Variants in CIAO2B observed in about 807,000 individuals in gnomAD.
The protein encoded by CIAO2B is cytosolic iron-sulfur assembly component 2B.
A neutral mutation model predicts 16.4 loss-of-function variants in CIAO2B; 20 were observed. The observed-to-expected ratio is 1.22, with a 90% confidence interval of 0.86 to 1.77. CIAO2B has a LOEUF of 1.77. Ranked by LOEUF, CIAO2B falls within the 40% of genes most tolerant of loss-of-function variation. The probability of loss-of-function intolerance (pLI) is 0.00; values close to 1 mark genes in which losing one functional copy is unlikely to be tolerated. For synonymous variants in CIAO2B, 106 were observed against 90.4 expected (o/e 1.17, Z -0.98); for missense variants, 215 against 222.4 (o/e 0.97, Z 0.21).
At chr16:66,933,876 C>T in intron 2 of CIAO2B, 111 bp downstream of exon 2, 1 of 1,545,848 alleles carries the variant, frequency 6.5e-7, no homozygotes, top group South Asian at 1.2e-5. Context: ...CAACAATCTC[C>T]CTCCCCAAAG....
chr16:66,933,320 C>T, intron 3 of CIAO2B: 1 of 411,746 alleles, frequency 2.4e-6, no homozygotes, highest in South Asian at 2.7e-5. Context: ...AAAGAACTGG[C>T]CCACTACTGT....
Position 66,932,219 on chromosome 16 carries a change from A to G in CIAO2B, c.476T>C (p.Leu159Pro). The G allele has an allele frequency of 6.2e-7, 1 of 1,613,746 alleles. No individual in the cohort carries two copies. Among genetic ancestry groups the G allele is most frequent in the Non-Finnish European group, 8.5e-7 (1 of 1,179,766 alleles). Reference sequence around the variant, plus strand: ...AGGCCAGGCTCAGGAGCGGGCTGACAGGCACTGATTCACAACCTCCAAGAG... The same window carrying G: ...AGGCCAGGCTCAGGAGCGGGCTGACGGGCACTGATTCACAACCTCCAAGAG... ...THLLEVVNQC[L>P]SARS The change falls in exon 5 of 5, where the codon CTG becomes CCG. Residue 159 changes from leucine (L) to proline (P), a missense_variant. Transcript: ENST00000422424.
chr16:66,932,343 G>GCTTT, intron 4 of CIAO2B, 43 bp from the exon 5 acceptor site: 2 of 1,545,980 alleles, frequency 1.3e-6, no homozygotes, highest in Non-Finnish European at 1.8e-6. Context: ...GTCAAAGCTA[G>GCTTT]GCTCTGGCCA....
intron 2 of CIAO2B, 53 bp downstream of exon 2, chr16:66,933,934 C>T: frequency 6.2e-7 from 1 of 1,605,598 alleles, no homozygotes; most frequent in East Asian, 2.2e-5. Flanking sequence ...TCCTGCTGCA[C>T]AGAAACCTTT....
rs1963082294 is a variant in CIAO2B at position 66,932,760 on chromosome 16, C to T, written c.394+20G>A. On this transcript the variant is annotated intron_variant, in intron 4 of 4. Transcript: ENST00000422424. ...TAGGGGGTGCCCGGGCCAACACCCTCACCACCAGTCCACACTTACCTGCAT... is the reference window on the plus strand; with the variant it reads ...TAGGGGGTGCCCGGGCCAACACCCTTACCACCAGTCCACACTTACCTGCAT... 6.2e-7 allele frequency: 1 copy of T among 1,606,616 alleles called. No homozygotes were observed. Among genetic ancestry groups the T allele is most frequent in the Non-Finnish European group, 8.5e-7 (1 of 1,176,608 alleles).
At chr16:66,933,484 C>G (rs1963103924) in intron 3 of CIAO2B, 130 bp downstream of exon 3, 2 of 1,238,848 alleles carry the variant, frequency 1.6e-6, no homozygotes, top group Admixed American at 5.6e-5. Flanking sequence ...TCCCAGTTTC[C>G]TCTCTGCTAA....
chr16:66,932,865 G>A lies in CIAO2B; in HGVS notation c.349-40C>T, dbSNP rs377291763. On this transcript the variant is annotated intron_variant, in intron 3 of 4. Coordinates refer to ENST00000422424, the MANE Select transcript of CIAO2B (RefSeq NM_016062.4). Reference sequence around the variant, plus strand: ...ACCAGGGCCTGAACACCCACCCACCGACCCACACTTTTCCCTGCAGCCCCC... The same window carrying A: ...ACCAGGGCCTGAACACCCACCCACCAACCCACACTTTTCCCTGCAGCCCCC... The A allele has an allele frequency of 1.1e-5, 18 of 1,604,404 alleles. No individual in the cohort carries two copies. The African/African-American group carries it at 1.7e-4, about 16-fold the overall frequency.
chr16:66,932,324 G>A (rs533176902), intron 4 of CIAO2B, 24 bp from the exon 5 acceptor site: 102 of 1,597,382 alleles, frequency 6.4e-5, no homozygotes, highest in Non-Finnish European at 8.3e-5. Context: ...AGGGTGTGGG[G>A]AAGGCAGAGT....
Position 66,934,110 on chromosome 16 carries a change from G to A in CIAO2B, c.143-44C>T. On this transcript the variant is annotated intron_variant, in intron 1 of 4. Coordinates refer to ENST00000422424, the MANE Select transcript of CIAO2B (RefSeq NM_016062.4). This position sits in a 1 kb window ranked among gnomAD's most constrained non-coding sequence, Gnocchi z 4.1. ...GGGACTCTGCGCCCTTGCCCACTTA[G>A]AACCCTCTGCCAGGAACGCCCTGCT... 1 of 1,612,302 alleles carries A rather than the reference G, an allele frequency of 6.2e-7. No individual in the cohort carries two copies. The highest frequency in any genetic ancestry group is 8.5e-7 in the Non-Finnish European group (1 of 1,179,340).
chr16:66,933,733 C>T lies in CIAO2B; in HGVS notation c.229G>A (p.Asp77Asn). 6.4e-7 allele frequency: 1 copy of T among 1,555,676 alleles called. No homozygotes were observed. Among genetic ancestry groups the T allele is most frequent in the Non-Finnish European group, 8.7e-7 (1 of 1,149,636 alleles). ...VVEQVRVQVSDPESTVAVAFT... is the reference protein window; with the variant it reads ...VVEQVRVQVSNPESTVAVAFT... Reference sequence around the variant, plus strand: ...GCCACAGCCACTGTACTCTCGGGGTCGCTAACCTGGTTGTGGAGGAGAGAT... The same window carrying T: ...GCCACAGCCACTGTACTCTCGGGGTTGCTAACCTGGTTGTGGAGGAGAGAT... The change falls in exon 3 of 5, where the codon GAC becomes AAC. Residue 77 changes from aspartate to asparagine, a missense_variant. Physicochemically the swap from Asp to Asn is conservative, Grantham distance 23. Transcript: ENST00000422424.
intron 3 of CIAO2B, 176 bp downstream of exon 3, chr16:66,933,438 A>C: frequency 1.1e-6 from 1 of 870,960 alleles, no homozygotes; most frequent in Non-Finnish European, 1.7e-6. Context: ...TCCAGCTCAG[A>C]TCTTTATTCT....
In CIAO2B at chr16:66,934,057, C is replaced by A; in HGVS notation, c.152G>T (p.Arg51Leu). The change falls in exon 2 of 5, where the codon CGC becomes CTC. Residue 51 changes from arginine (R) to leucine (L), a missense_variant. Transcript: ENST00000422424. This position sits in a 1 kb window ranked among gnomAD's most constrained non-coding sequence, Gnocchi z 4.1. ...IDAREIFDLI[R>L]SINDPEHPLT... Reference sequence around the variant, plus strand: ...TGGATGCTCCGGGTCATTGATGGAGCGAATCAGATGTGGGAAGTGAAGGAA... The same window carrying A: ...TGGATGCTCCGGGTCATTGATGGAGAGAATCAGATGTGGGAAGTGAAGGAA... The A allele has an allele frequency of 1.9e-6, 3 of 1,613,658 alleles. No homozygotes were observed. Among genetic ancestry groups the A allele is most frequent in the East Asian group, 2.2e-5 (1 of 44,868 alleles).
At chr16:66,932,963 C>T in intron 3 of CIAO2B, 138 bp from the exon 4 acceptor site, 1 of 849,338 alleles carries the variant, frequency 1.2e-6, no homozygotes, top group Non-Finnish European at 1.9e-6. Flanking sequence ...TTCCGTTACA[C>T]CCCAAACCCA....
rs777601715 is a variant in CIAO2B, at chr16:66,932,518, TC to T, written c.395-219del. The stretch of plus-strand genomic sequence containing the variant: ...CTTAGGATCCCTCCCCCTGGCTGCC[TC>T]CTGCGCTGCTGAAGCCTGACACACT... On this transcript the variant is annotated intron_variant, in intron 4 of 4. Transcript: ENST00000422424. 3 of 717,992 alleles carry T rather than the reference TC, an allele frequency of 4.2e-6. No individual in the cohort carries two copies. In the South Asian group the frequency reaches 4.5e-5, roughly 11 times the overall value. 44.5% of individuals were successfully genotyped at this position (717,992 alleles called of 1,614,324 possible).
rs748795563 is a variant in CIAO2B at position 66,934,027 on chromosome 16, G to A, written c.182C>T (p.Thr61Met). Residue 61 changes from threonine to methionine, a missense_variant, in exon 2 of 5, where the codon ACG becomes ATG. Transcript: ENST00000422424. The surrounding 1 kb of genome is among the most constrained non-coding windows in gnomAD (Gnocchi z 4.1). The stretch of plus-strand genomic sequence containing the variant: ...CTCTACTACGTTCAACTCCTCTAGC[G>A]TCAGTGGATGCTCCGGGTCATTGAT... ...RSINDPEHPL[T>M]LEELNVVEQV... is the part of the protein sequence containing the mutation. The A allele has an allele frequency of 3.1e-6, 5 of 1,613,780 alleles. No individual in the cohort carries two copies. Among genetic ancestry groups the A allele is most frequent in the Non-Finnish European group, 4.2e-6 (5 of 1,179,872 alleles).
chr16:66,934,101 G>C lies in CIAO2B; in HGVS notation c.143-35C>G. The stretch of plus-strand genomic sequence containing the variant: ...GAAGGAAAAGGGACTCTGCGCCCTT[G>C]CCCACTTAGAACCCTCTGCCAGGAA... On this transcript the variant is annotated intron_variant, in intron 1 of 4. Transcript: ENST00000422424. The surrounding 1 kb of genome is among the most constrained non-coding windows in gnomAD (Gnocchi z 4.1). 3 of 1,612,574 alleles carry C rather than the reference G, an allele frequency of 1.9e-6. No homozygotes were observed. Among genetic ancestry groups the C allele is most frequent in the African/African-American group, 1.3e-5 (1 of 75,020 alleles).
At position 66,932,127 on chromosome 16, in the gene CIAO2B, G is replaced by C; in HGVS notation, c.*76C>G. 8.7e-7 allele frequency: 1 copy of C among 1,153,730 alleles called. No individual in the cohort carries two copies. Among genetic ancestry groups the C allele is most frequent in the Middle Eastern group, 2.5e-4 (1 of 3,992 alleles). The allele number at this position is 1,153,730 out of a possible 1,614,324, so 71.5% of individuals were successfully genotyped here. On this transcript the variant is annotated 3_prime_UTR_variant, in exon 5 of 5. Coordinates refer to ENST00000422424, the MANE Select transcript of CIAO2B (RefSeq NM_016062.4). Reference sequence around the variant, plus strand: ...TAGTTTCTCATTGTGAGTGATTCAAGAAAACAACGGTAACAGCCCTGGCAG... The same window carrying C: ...TAGTTTCTCATTGTGAGTGATTCAACAAAACAACGGTAACAGCCCTGGCAG...
At chr16:66,932,478 C>T (rs1003225189) in intron 4 of CIAO2B, 178 bp from the exon 5 acceptor site, 2 of 725,166 alleles carry the variant, frequency 2.8e-6, no homozygotes, top group African/African-American at 1.7e-5. Flanking sequence ...CACCTGAGCC[C>T]ACCTAATCTG....
At chr16:66,932,852 ACACCCACC>A (rs1245795408) in intron 3 of CIAO2B, 27 bp from the exon 4 acceptor site, 4 of 1,609,458 alleles carry the variant, frequency 2.5e-6, no homozygotes, top group Non-Finnish European at 3.4e-6. Context: ...CAGGGCCTGA[ACACCCACC>A]CACCGACCCA....
Sources: allele counts gnomAD v4.1 joint callset, GRCh38; gene constraint gnomAD v4.1.1; non-coding constraint Gnocchi (gnomAD v3.1); transcripts MANE v1.5; gene names NCBI Gene and HGNC (gene_info 2026-07-23, HGNC 2026-07-21).